MYRIP: variants seen among roughly 807,000 people sequenced by gnomAD.
MYRIP encodes the protein myosin VIIA and Rab interacting protein.
In MYRIP, 49 loss-of-function variants were observed where a neutral mutation model predicts 98.0. The observed-to-expected ratio is 0.50, with a 90% CI of 0.40 to 0.63. The LOEUF is 0.63. Among genes scored for constraint, MYRIP ranks in the 30% least tolerant of loss-of-function variants. MYRIP has a pLI of 0.00. For synonymous variants in MYRIP, 404 were observed against 409.5 expected (o/e 0.99, Z 0.16); for missense variants, 1,004 against 1,058.2 (o/e 0.95, Z 0.71).
chr3:40,138,533 A>G (rs1358306944), intron 3 of MYRIP, among the ~76,000 whole-genome samples: 1 of 152,248 alleles, frequency 6.6e-6, no homozygotes, highest in Non-Finnish European at 1.5e-5. Flanking sequence ...AGAAATGTTT[A>G]AAGTTTTTAA....
intron 1 of MYRIP, among the ~76,000 whole-genome samples, chr3:39,894,635 A>ATGT (rs1476673508): frequency 6.6e-6 from 1 of 152,198 alleles, no homozygotes; most frequent in African/African-American, 2.4e-5. Context: ...TTACCTTAAT[A>ATGT]TGTCATAAAC....
At chr3:39,971,792 G>T (rs969733687) in intron 2 of MYRIP, among the ~76,000 whole-genome samples, 2 of 151,994 alleles carry the variant, frequency 1.3e-5, no homozygotes, top group African/African-American at 4.8e-5. Context: ...CAAGCACTCC[G>T]TTCTGTCTTC....
intron 10 of MYRIP, among the ~76,000 whole-genome samples, chr3:40,200,476 T>G (rs1205540167): frequency 1.3e-5 from 2 of 152,092 alleles, no homozygotes; most frequent in Non-Finnish European, 2.9e-5. Flanking sequence ...CTGGAGCCTC[T>G]CTATATAGGA....
In MYRIP at chr3:39,927,167, G is replaced by A. The variant is rs569250565; in HGVS notation, c.110+26241G>A. Among the ~76,000 whole-genome samples the A allele has an allele frequency of 1.5e-3, 233 of 152,098 alleles. 4 individuals are homozygous for A. In the South Asian group the frequency reaches 0.042, roughly 27 times the overall value. On this transcript the variant is annotated intron_variant, in intron 2 of 16. Coordinates refer to ENST00000302541, the MANE Select transcript of MYRIP (RefSeq NM_015460.4). ...ACAGAAATGTTACTGATTTTTGTGC[G>A]TTGATTTTGTATCCTGAAACTTTCC...
intron 1 of MYRIP, among the ~76,000 whole-genome samples, chr3:39,842,989 A>G (rs1210703719): frequency 6.6e-6 from 1 of 152,198 alleles, no homozygotes; most frequent in African/African-American, 2.4e-5. Flanking sequence ...TGCTAACGTT[A>G]ATTAAAGTTT....
intron 1 of MYRIP, among the ~76,000 whole-genome samples, chr3:39,894,553 G>A (rs1317587371): frequency 1.3e-5 from 2 of 152,170 alleles, no homozygotes; most frequent in East Asian, 3.8e-4. Context: ...TATTTTAATA[G>A]TGTTGCTGTA....
chr3:40,232,634 T>C (rs1019769900), intron 11 of MYRIP, among the ~76,000 whole-genome samples: 2 of 152,244 alleles, frequency 1.3e-5, no homozygotes, highest in African/African-American at 4.8e-5. Context: ...ATAAACAAAA[T>C]TGTTTGCAGA....
intron 3 of MYRIP, among the ~76,000 whole-genome samples, chr3:40,114,976 T>C (rs1367589137): frequency 6.6e-6 from 1 of 152,224 alleles, no homozygotes; most frequent in African/African-American, 2.4e-5. Context: ...CTCTCCCAAC[T>C]GTCTCTCATT....
rs564839533 is a variant in MYRIP, at chr3:40,088,930, T to C, written c.332+44659T>C. Among the ~76,000 whole-genome samples the C allele has an allele frequency of 2.0e-5, 3 of 152,052 alleles. No homozygotes were observed. In the East Asian group the frequency reaches 5.8e-4, roughly 29 times the overall value. On this transcript the variant is annotated intron_variant, in intron 3 of 16. Transcript: ENST00000302541. ...GTGATCCATGGCAGGGGATGAGGAC[T>C]TGGCCTTGGTGGTAACCAGAGGAAT... is the stretch of plus-strand genomic sequence containing the variant.
At chr3:40,070,711 C>G (rs1030300638) in intron 3 of MYRIP, among the ~76,000 whole-genome samples, 2 of 152,140 alleles carry the variant, frequency 1.3e-5, no homozygotes, top group African/African-American at 4.8e-5. Flanking sequence ...CATCCACCCC[C>G]TTACCACCCT....
In MYRIP at chr3:39,822,666, C is replaced by A. The variant is rs148044929; in HGVS notation, c.-31+12750C>A. 2.1e-3 allele frequency among the ~76,000 whole-genome samples: 322 copies of A among 152,278 alleles called. 3 individuals carry two copies. The highest frequency in any genetic ancestry group is 7.3e-3 in the African/African-American group (305 of 41,558). ...CTCTCATCTAGCTGTAATTTTGTAT[C>A]ATTTAACAATTCTCTCCCTTTCTCT... On this transcript the variant is annotated intron_variant, in intron 1 of 16. Transcript: ENST00000302541.
intron 1 of MYRIP, among the ~76,000 whole-genome samples, chr3:39,870,804 C>T (rs1942766451): frequency 6.6e-6 from 1 of 152,230 alleles, no homozygotes; most frequent in East Asian, 1.9e-4. Context: ...TTTCATTATT[C>T]CTTGTGCAAA....
chr3:39,977,063 T>C (rs1451403641), intron 2 of MYRIP, among the ~76,000 whole-genome samples: 1 of 108,940 alleles, frequency 9.2e-6, no homozygotes, highest in East Asian at 2.2e-4. Context: ...TTATTCTGTG[T>C]GTTTTTTTCT....
intron 4 of MYRIP, among the ~76,000 whole-genome samples, chr3:40,156,008 T>A (rs927694875): frequency 2.1e-4 from 32 of 152,266 alleles, no homozygotes; most frequent in African/African-American, 6.0e-4. Flanking sequence ...TATATCCCAT[T>A]TGTCAATTTT....
intron 3 of MYRIP, among the ~76,000 whole-genome samples, chr3:40,063,488 C>T (rs1459016012): frequency 1.3e-5 from 2 of 152,184 alleles, no homozygotes; most frequent in African/African-American, 4.8e-5. Context: ...AAGGTCTATG[C>T]TAAAGTACTA....
At chr3:40,164,818 G>A (rs536149769) in intron 5 of MYRIP, among the ~76,000 whole-genome samples, 2 of 152,240 alleles carry the variant, frequency 1.3e-5, no homozygotes, top group African/African-American at 4.8e-5. Context: ...AGCCTTCCTA[G>A]TTACAGCTCC....
At chr3:39,913,499 T>C (rs1367436367) in intron 2 of MYRIP, among the ~76,000 whole-genome samples, 1 of 152,152 alleles carries the variant, frequency 6.6e-6, no homozygotes, top group Non-Finnish European at 1.5e-5. Context: ...GGTGACAAGA[T>C]ACTATCAGAA....
At chr3:39,876,340 C>A (rs1421859070) in intron 1 of MYRIP, among the ~76,000 whole-genome samples, 1 of 152,178 alleles carries the variant, frequency 6.6e-6, no homozygotes, top group African/African-American at 2.4e-5. Flanking sequence ...AGCCCATTTA[C>A]ATTTAAAGTT....
chr3:40,061,071 A>C (rs890709224), intron 3 of MYRIP, among the ~76,000 whole-genome samples: 5 of 152,134 alleles, frequency 3.3e-5, no homozygotes, highest in African/African-American at 9.7e-5. Context: ...GGAAAGAACA[A>C]TTTTGTGTTC....
Sources: gnomAD v4.1 joint callset for allele counts (sites outside exome capture counted in the v4.1 genomes callset) on GRCh38, gnomAD v4.1.1 for gene constraint, MANE v1.5 for transcripts, NCBI Gene and HGNC (gene_info 2026-07-23, HGNC 2026-07-21) for gene names.